Variants in CLVS1 observed in about 807,000 individuals in gnomAD.
The protein encoded by CLVS1 is clavesin-1.
A neutral mutation model predicts 33.1 loss-of-function variants in CLVS1; 10 were observed. The ratio of observed to expected loss-of-function variants is 0.30; its 90% CI spans 0.19 to 0.51. The LOEUF (loss-of-function observed/expected upper bound fraction) is 0.51, where lower values mean the gene tolerates loss of function less well. CLVS1 is among the 20% of genes least tolerant of loss of function. The pLI is 0.97. For missense variants in CLVS1, 343 were observed against 433.4 expected (o/e 0.79, Z 1.85); for synonymous variants, 163 against 166.1 (o/e 0.98, Z 0.14).
intron 5 of CLVS1, among the ~76,000 whole-genome samples, chr8:61,498,231 A>C (rs1019102359): frequency 1.3e-5 from 2 of 152,188 alleles, no homozygotes; most frequent in African/African-American, 4.8e-5. Flanking sequence ...CCAGACATAC[A>C]AAACCAAGCA....
intron 2 of CLVS1, among the ~76,000 whole-genome samples, chr8:61,204,951 G>A (rs75526282): frequency 6.6e-6 from 1 of 152,150 alleles, no homozygotes; most frequent in African/African-American, 2.4e-5. Context: ...ATTAGAAATG[G>A]TTGAACTTTT....
rs555626173 is a variant in CLVS1 at position 61,435,855 on chromosome 8, A to G, written c.631-18286A>G. Among the ~76,000 whole-genome samples the G allele has an allele frequency of 6.6e-5, 10 of 152,326 alleles. No individual in the cohort carries two copies. In the South Asian group the frequency reaches 8.3e-4, roughly 13 times the overall value. On this transcript the variant is annotated intron_variant, in intron 3 of 5. Coordinates refer to ENST00000325897, the MANE Select transcript of CLVS1 (RefSeq NM_173519.3). ...TCAAAACCATTAATAATTACTCAGG[A>G]TTGGCAAGTTTCATAAATTCTTGAA...
rs147562710 is a variant in CLVS1, at chr8:61,306,311, A to G, written c.455+6029A>G. Among the ~76,000 whole-genome samples the G allele has an allele frequency of 1.1e-3, 169 of 152,182 alleles. 1 individual carries two copies. The highest frequency in any genetic ancestry group is 3.4e-3 in the Admixed American group (52 of 15,292). ...AGTGATGTTGAGCCTTTTTTCATAC[A>G]ATTGTTGGCCACATAAATGTCTTCT... On this transcript the variant is annotated intron_variant, in intron 2 of 5. Transcript: ENST00000325897.
At chr8:61,117,672 A>G (rs1805755754) in intron 1 of CLVS1, among the ~76,000 whole-genome samples, 1 of 152,020 alleles carries the variant, frequency 6.6e-6, no homozygotes, top group Admixed American at 6.5e-5. Context: ...GCTGGATTAG[A>G]TTTATTGATT....
chr8:61,426,844 C>T lies in CLVS1; in HGVS notation c.631-27297C>T, dbSNP rs1305666714. Among the ~76,000 whole-genome samples the T allele has an allele frequency of 2.0e-5, 3 of 152,236 alleles. No homozygotes were observed. In the East Asian group the frequency reaches 5.8e-4, roughly 29 times the overall value. ...CCATAGGCTGTGAGCTCCTCATGGG[C>T]AGGATAGAGTTTTACACAGAGCCTG... On this transcript the variant is annotated intron_variant, in intron 3 of 5. Coordinates refer to ENST00000325897, the MANE Select transcript of CLVS1 (RefSeq NM_173519.3).
rs186714689 is a variant in CLVS1, at chr8:61,155,070, C to T, written c.-152+23210C>T. On this transcript the variant is annotated intron_variant, in intron 2 of 2. Coordinates refer to the CLVS1 transcript ENST00000522621. The stretch of plus-strand genomic sequence containing the variant: ...GAGTCGCAGGCTCTGGAGCTTTGGG[C>T]TGAGCAGGCCCACACAGATGTTGTC... Among the ~76,000 whole-genome samples, 18 of 152,238 alleles carry T rather than the reference C, an allele frequency of 1.2e-4. No individual in the cohort carries two copies. The East Asian group carries it at 3.5e-3, about 29-fold the overall frequency.
intron 1 of CLVS1, among the ~76,000 whole-genome samples, chr8:61,125,507 A>G (rs1251331914): frequency 6.6e-6 from 1 of 152,238 alleles, no homozygotes; most frequent in Non-Finnish European, 1.5e-5. Flanking sequence ...ACTTAGCTCA[A>G]ACTGACTGAA....
intron 3 of CLVS1, among the ~76,000 whole-genome samples, chr8:61,383,406 C>T (rs1350595507): frequency 6.6e-6 from 1 of 152,156 alleles, no homozygotes; most frequent in African/African-American, 2.4e-5. Flanking sequence ...TTAATTTTTA[C>T]AGTTTTCATG....
Position 61,258,844 on chromosome 8 carries a change from C to G in CLVS1, c.-151-40833C>G, listed in dbSNP as rs566828922. Among the ~76,000 whole-genome samples the G allele has an allele frequency of 2.5e-4, 38 of 152,260 alleles. 1 individual carries two copies. The highest frequency in any genetic ancestry group is 9.1e-4 in the African/African-American group (38 of 41,556). ...ATTCTTGTTCCTATAAGTGCATATT[C>G]TGCACAACAGAATGTTTTAGGGAAA... On this transcript the variant is annotated intron_variant, in intron 2 of 2. Coordinates refer to the CLVS1 transcript ENST00000522621.
intron 3 of CLVS1, among the ~76,000 whole-genome samples, chr8:61,423,317 A>G (rs1413881683): frequency 6.6e-6 from 1 of 152,234 alleles, no homozygotes; most frequent in Non-Finnish European, 1.5e-5. Flanking sequence ...ACTAAAAATT[A>G]AAGCATTCCT....
chr8:61,202,276 T>C, intron 2 of CLVS1: 1 of 591,842 alleles, frequency 1.7e-6, no homozygotes, highest in Non-Finnish European at 3.1e-6. Flanking sequence ...TTCCATCCTG[T>C]GTGGCTGTTC....
chr8:61,245,133 A>C (rs1381226931), intron 2 of CLVS1, among the ~76,000 whole-genome samples: 1 of 152,110 alleles, frequency 6.6e-6, no homozygotes, highest in African/African-American at 2.4e-5. Context: ...CCTTTTGATT[A>C]GCATTTTTGT....
intron 3 of CLVS1, among the ~76,000 whole-genome samples, chr8:61,443,335 C>T (rs969489917): frequency 6.6e-6 from 1 of 152,096 alleles, no homozygotes; most frequent in Non-Finnish European, 1.5e-5. Flanking sequence ...AGATTATTTC[C>T]TATGTTTCTT....
intron 3 of CLVS1, among the ~76,000 whole-genome samples, chr8:61,382,061 A>G (rs1813900769): frequency 6.6e-6 from 1 of 152,140 alleles, no homozygotes; most frequent in Admixed American, 6.5e-5. Context: ...TCCTTCCCAC[A>G]GCCTGCCCCC....
chr8:61,416,533 A>T (rs1316590751), intron 3 of CLVS1, among the ~76,000 whole-genome samples: 1 of 152,230 alleles, frequency 6.6e-6, no homozygotes, highest in Admixed American at 6.5e-5. Flanking sequence ...ACATCTCTGT[A>T]TAATGGGCAT....
intron 2 of CLVS1, among the ~76,000 whole-genome samples, chr8:61,217,866 G>T (rs927853063): frequency 3.3e-5 from 5 of 152,154 alleles, no homozygotes; most frequent in Non-Finnish European, 7.4e-5. Flanking sequence ...TTTCTCAAAA[G>T]AAGACATGCA....
intron 3 of CLVS1, among the ~76,000 whole-genome samples, chr8:61,421,867 A>G (rs1435275611): frequency 6.6e-6 from 1 of 152,190 alleles, no homozygotes; most frequent in Non-Finnish European, 1.5e-5. Context: ...TTCATTCTGT[A>G]GTGAAATGGA....
chr8:61,227,799 T>C (rs541553357), intron 2 of CLVS1, among the ~76,000 whole-genome samples: 1 of 152,288 alleles, frequency 6.6e-6, no homozygotes, highest in South Asian at 2.1e-4. Context: ...GGGTGCCCAG[T>C]AGGGTGATGT....
At chr8:61,236,841 G>A (rs951987190) in intron 2 of CLVS1, among the ~76,000 whole-genome samples, 7 of 152,298 alleles carry the variant, frequency 4.6e-5, no homozygotes, top group African/African-American at 1.7e-4. Context: ...AGCTGGCGCA[G>A]GGAATTAGCT....
Sources: gnomAD v4.1 joint callset for allele counts (sites outside exome capture counted in the v4.1 genomes callset) on GRCh38, gnomAD v4.1.1 for gene constraint, MANE v1.5 for transcripts, NCBI Gene and HGNC (gene_info 2026-07-23, HGNC 2026-07-21) for gene names.